GIT2: variants seen among roughly 807,000 people sequenced by gnomAD.
The protein encoded by GIT2 is ARF GTPase-activating protein GIT2.
GIT2 carries 32 observed loss-of-function variants against 100.3 expected under a neutral mutation model. The observed-to-expected ratio is 0.32, with a 90% CI of 0.24 to 0.43. The LOEUF (loss-of-function observed/expected upper bound fraction) is 0.43. Ranked by LOEUF, GIT2 falls within the 20% of genes least tolerant of loss-of-function variation. The pLI is 1.00. For synonymous variants in GIT2, 353 were observed against 364.1 expected (o/e 0.97, Z 0.35); for missense variants, 737 against 975.1 (o/e 0.76, Z 3.25).
chr12:109,990,600 A>G (rs763043875), intron 2 of GIT2, among the ~76,000 whole-genome samples: 7 of 152,256 alleles, frequency 4.6e-5, no homozygotes, highest in Non-Finnish European at 1.0e-4. Flanking sequence ...TGGTTCACAC[A>G]GCCAAGTTTA....
At chr12:109,946,740 C>T (rs889402742) in intron 15 of GIT2, among the ~76,000 whole-genome samples, 2 of 152,076 alleles carry the variant, frequency 1.3e-5, no homozygotes, top group African/African-American at 2.4e-5. Context: ...GGAGAGGCTG[C>T]GGAAGCCTGG....
Position 109,947,468 on chromosome 12 carries a change from T to C in GIT2, c.1429A>G (p.Lys477Glu). The C allele has an allele frequency of 6.2e-7, 1 of 1,614,042 alleles. No individual in the cohort carries two copies. Among genetic ancestry groups the C allele is most frequent in the South Asian group, 1.1e-5 (1 of 91,086 alleles). Residue 477 changes from lysine to glutamate, a missense_variant, in exon 15 of 20, where the codon AAA becomes GAA. Lys to Glu is a moderately conservative substitution (Grantham distance 56). This residue lies in a region of GIT2 where 451 missense variants were observed against 543.7 expected (regional missense o/e 0.83). Coordinates refer to ENST00000355312, the MANE Select transcript of GIT2 (RefSeq NM_057169.5). The surrounding 1 kb of genome is among the most constrained non-coding windows in gnomAD (Gnocchi z 4.3). ...TGATATACATTGGTTGTGGCCTGTT[T>C]CCTGAGGTTCGAATTTTCACTCTGG... ...TLQSENSNLR[K>E]QATTNVYQVQ...
In GIT2 at chr12:109,983,465, T is replaced by G. The variant is rs1886721519; in HGVS notation, c.531A>C (p.Ala177=). 6.2e-7 allele frequency: 1 copy of G among 1,613,816 alleles called. No homozygotes were observed. The highest frequency in any genetic ancestry group is 8.5e-7 in the Non-Finnish European group (1 of 1,179,666). Residue 177 remains alanine (A), a synonymous_variant, in exon 6 of 20, where the codon GCA becomes GCC. Coordinates refer to ENST00000355312, the MANE Select transcript of GIT2 (RefSeq NM_057169.5). Reference sequence around the variant, plus strand: ...ATAATTCAGCCTGTAAAATCTGCCCTGCTTTGGAGGCAACATGGAGTGGGG... The same window carrying G: ...ATAATTCAGCCTGTAAAATCTGCCCGGCTTTGGAGGCAACATGGAGTGGGG... ...GNTPLHVASK[A]GQILQAELLA... is the part of the protein sequence containing the mutation.
Position 109,948,321 on chromosome 12 carries a change from T to A in GIT2, c.1393-817A>T. The stretch of plus-strand genomic sequence containing the variant: ...TATTTGGCCTTTCTCTCCTTTGGCT[T>A]TGTCACCCAAAAAACACGACCTCAG... On this transcript the variant is annotated intron_variant, in intron 14 of 19. Coordinates refer to ENST00000355312, the MANE Select transcript of GIT2 (RefSeq NM_057169.5). This position sits in a 1 kb window ranked among gnomAD's most constrained non-coding sequence, Gnocchi z 4.3. 1.0e-6 allele frequency: 1 copy of A among 987,780 alleles called. No individual in the cohort carries two copies. The highest frequency in any genetic ancestry group is 4.7e-5 in the South Asian group (1 of 21,408). The allele number at this position is 987,780 out of a possible 1,614,324, so 61.2% of individuals were successfully genotyped here.
At chr12:109,939,003 A>C (rs773950455) in intron 17 of GIT2, 162 bp downstream of exon 17, 8 of 619,432 alleles carry the variant, frequency 1.3e-5, no homozygotes, top group Admixed American at 2.6e-5. Context: ...TGAGATGACA[A>C]GACATGTAAA....
upstream of GIT2, chr12:109,997,431 T>A (rs182632750): frequency 1.3e-5 from 2 of 152,226 alleles, no homozygotes; most frequent in Admixed American, 1.3e-4. Flanking sequence ...TATTAGATGA[T>A]TCCTTAGGCT....
chr12:109,968,001 G>A (rs1882920018), intron 7 of GIT2, among the ~76,000 whole-genome samples: 1 of 152,196 alleles, frequency 6.6e-6, no homozygotes, highest in Non-Finnish European at 1.5e-5. Context: ...GGAGAACACT[G>A]ATCCATGTGC....
rs1217045786 is a variant in GIT2, at chr12:109,983,712, A to G, written c.406-18T>C. On this transcript the variant is annotated intron_variant, in intron 4 of 19. Coordinates refer to ENST00000355312, the MANE Select transcript of GIT2 (RefSeq NM_057169.5). ...TGGAGTTGCTGAAAAACGCAGAAAC[A>G]AAAAAGGAATCGTGGTTAGAGGTGT... 1 of 1,564,678 alleles carries G rather than the reference A, an allele frequency of 6.4e-7. No individual in the cohort carries two copies. Among genetic ancestry groups the G allele is most frequent in the African/African-American group, 1.4e-5 (1 of 73,690 alleles).
chr12:109,952,174 C>T (rs1047508188), intron 13 of GIT2, among the ~76,000 whole-genome samples: 1 of 152,164 alleles, frequency 6.6e-6, no homozygotes, highest in African/African-American at 2.4e-5. Context: ...AAATCTGTCT[C>T]CCCACTTCAA....
In GIT2 at chr12:109,989,766, T is replaced by G. The variant is rs1421376557; in HGVS notation, c.223A>C (p.Ile75Leu). ...ETLYNNGANS[I>L]WEHSLLDPAS... ...GGGTCCAGCAAAGAATGCTCCCATA[T>G]AGAGTTAGCACCGTTATTATACAAG... The change falls in exon 3 of 20, where the codon ATA becomes CTA. Residue 75 changes from isoleucine to leucine, a missense_variant. Ile to Leu is a conservative substitution (Grantham distance 5). Transcript: ENST00000355312. The G allele has an allele frequency of 1.2e-6, 2 of 1,604,828 alleles. No individual in the cohort carries two copies. The highest frequency in any genetic ancestry group is 2.7e-5 in the African/African-American group (2 of 74,734).
rs1566021615 is a variant in GIT2, at chr12:109,989,741, GGGT to G, written c.245_247del (p.Asp82_Pro83delinsAla). On this transcript the variant is annotated inframe_deletion, in exon 3 of 20. Coordinates refer to ENST00000355312, the MANE Select transcript of GIT2 (RefSeq NM_057169.5). ...ACGTCTTCCACTCATAATAGACGCA[GGGT>G]CCAGCAAAGAATGCTCCCATATAGA... The G allele has an allele frequency of 6.2e-7, 1 of 1,606,662 alleles. No homozygotes were observed. The highest frequency in any genetic ancestry group is 1.7e-5 in the Admixed American group (1 of 59,994).
At chr12:109,960,137 G>A (rs1160822904) in intron 11 of GIT2, among the ~76,000 whole-genome samples, 179 bp from the exon 12 acceptor site, 1 of 152,178 alleles carries the variant, frequency 6.6e-6, no homozygotes, top group African/African-American at 2.4e-5. Flanking sequence ...CATATGAACA[G>A]TTTAAAACCA....
Position 109,977,589 on chromosome 12 carries a change from C to T in GIT2, c.718+3363G>A, listed in dbSNP as rs553192529. ...CTGCAGTCCCAGCCCTTTGGGAAGCCGAGGTGGGCGGATCACGAGGTCGGG... is the reference window on the plus strand; with the variant it reads ...CTGCAGTCCCAGCCCTTTGGGAAGCTGAGGTGGGCGGATCACGAGGTCGGG... On this transcript the variant is annotated intron_variant, in intron 7 of 19. Transcript: ENST00000355312. 2.3e-4 allele frequency among the ~76,000 whole-genome samples: 35 copies of T among 151,338 alleles called. No individual in the cohort carries two copies. The South Asian group carries it at 5.4e-3, about 24-fold the overall frequency.
chr12:109,988,886 T>A (rs892603572), intron 4 of GIT2, 77 bp downstream of exon 4: 4 of 720,016 alleles, frequency 5.6e-6, no homozygotes, highest in South Asian at 1.7e-5. Context: ...ACAACCAGAC[T>A]TTTTTTTCGT....
At chr12:109,961,739 C>T in intron 9 of GIT2, 54 bp from the exon 10 acceptor site, 1 of 1,032,300 alleles carries the variant, frequency 9.7e-7, no homozygotes, top group Non-Finnish European at 1.5e-6. Context: ...GCCAGGAGGA[C>T]AAGAGGGAAC....
chr12:109,960,482 G>A (rs1457583210), intron 11 of GIT2, among the ~76,000 whole-genome samples: 1 of 152,136 alleles, frequency 6.6e-6, no homozygotes, highest in Non-Finnish European at 1.5e-5. Flanking sequence ...TGGGGAGGCT[G>A]AGGCAAGAGA....
chr12:109,976,437 A>G lies in GIT2; in HGVS notation c.718+4515T>C, dbSNP rs1007268423. Among the ~76,000 whole-genome samples, 10 of 151,416 alleles carry G rather than the reference A, an allele frequency of 6.6e-5. No homozygotes were observed. In the East Asian group the frequency reaches 1.6e-3, roughly 24 times the overall value. ...GTAGCTGGGACTACAGGCGCCCACC[A>G]CCACGCCCGGCTAATTTTTTGTATT... On this transcript the variant is annotated intron_variant, in intron 7 of 19. Coordinates refer to ENST00000355312, the MANE Select transcript of GIT2 (RefSeq NM_057169.5).
In GIT2 at chr12:109,933,048, T is replaced by C. The variant is rs1172685612; in HGVS notation, c.2210A>G (p.Gln737Arg). Residue 737 changes from glutamine to arginine, a missense_variant, in exon 20 of 20, where the codon CAG becomes CGG. By Grantham distance (43) the Gln-to-Arg change is conservative. Transcript: ENST00000355312. This position sits in a 1 kb window ranked among gnomAD's most constrained non-coding sequence, Gnocchi z 4.5. ...DVQLVTQQVI[Q>R]CAYDIAKAAK... ...AGCCTTGGCGATGTCGTACGCACAC[T>C]GGATGACCTGCTGCGTGACCAGCTG... is the stretch of plus-strand genomic sequence containing the variant. 3 of 1,613,652 alleles carry C rather than the reference T, an allele frequency of 1.9e-6. No homozygotes were observed. The highest frequency in any genetic ancestry group is 1.3e-5 in the African/African-American group (1 of 75,060).
At chr12:109,961,482 A>C in intron 10 of GIT2, 107 bp from the exon 11 acceptor site, 2 of 939,432 alleles carry the variant, frequency 2.1e-6, no homozygotes, top group African/African-American at 1.6e-5. Flanking sequence ...TGAAGCCAAC[A>C]CACGCAAAGG....
Sources: gnomAD v4.1 joint callset for allele counts (sites outside exome capture counted in the v4.1 genomes callset) on GRCh38, gnomAD v4.1.1 for gene constraint, gnomAD v4.1.1 regional missense constraint, Gnocchi (gnomAD v3.1) non-coding constraint, MANE v1.5 for transcripts, NCBI Gene and HGNC (gene_info 2026-07-23, HGNC 2026-07-21) for gene names.